SHPK: variants seen among roughly 807,000 people sequenced by gnomAD.
SHPK encodes carbohydrate kinase-like protein.
SHPK carries 51 observed loss-of-function variants against 46.3 expected under a neutral mutation model. That is an observed-to-expected ratio of 1.10 (90% CI 0.88 to 1.39). The LOEUF is 1.39. SHPK is among the 40% of genes most tolerant of loss of function. The pLI is 0.00. For synonymous variants in SHPK, 290 were observed against 273.9 expected (o/e 1.06, Z -0.58); for missense variants, 668 against 641.3 (o/e 1.04, Z -0.45).
intron 2 of SHPK, among the ~76,000 whole-genome samples, chr17:3,628,849 A>G (rs1200149555): frequency 6.6e-6 from 1 of 151,954 alleles, no homozygotes; most frequent in Non-Finnish European, 1.5e-5. Context: ...GGGTCCCACT[A>G]TGTTGCCCAG....
intron 5 of SHPK, chr17:3,619,810 G>C (rs867262617): frequency 1.5e-5 from 7 of 458,702 alleles, no homozygotes; most frequent in African/African-American, 6.3e-5. Context: ...CCATCCTGCT[G>C]CTTTAAGATT....
chr17:3,625,829 G>C (rs1234516475), intron 2 of SHPK, among the ~76,000 whole-genome samples: 1 of 152,214 alleles, frequency 6.6e-6, no homozygotes, highest in African/African-American at 2.4e-5. Context: ...AAGGTGGGCG[G>C]ATCACCTGAG....
rs760118367 is a variant in SHPK at position 3,636,228 on chromosome 17, T to C, written c.-9A>G. On this transcript the variant is annotated 5_prime_UTR_variant, in exon 1 of 7. Transcript: ENST00000225519. Reference sequence around the variant, plus strand: ...ATCGGCCGCGCAGCCATTATCTCCCTGACCCGCGCAGCTCCAGTCTGCAGC... The same window carrying C: ...ATCGGCCGCGCAGCCATTATCTCCCCGACCCGCGCAGCTCCAGTCTGCAGC... 5.6e-6 allele frequency: 9 copies of C among 1,593,916 alleles called. No individual in the cohort carries two copies. Among genetic ancestry groups the C allele is most frequent in the Non-Finnish European group, 6.0e-6 (7 of 1,166,316 alleles).
intron 5 of SHPK, among the ~76,000 whole-genome samples, chr17:3,619,053 T>C (rs1247938688): frequency 6.6e-6 from 1 of 152,144 alleles, no homozygotes; most frequent in African/African-American, 2.4e-5. Flanking sequence ...TTTTCAAGTT[T>C]AATCATTTTG....
chr17:3,609,249 C>G lies in SHPK; in HGVS notation c.*1311G>C, dbSNP rs565332809. 5.9e-5 allele frequency: 9 copies of G among 151,884 alleles called. No individual in the cohort carries two copies. The highest frequency in any genetic ancestry group is 3.3e-4 in the Admixed American group (5 of 15,244). The allele number at this position is 151,884 out of a possible 1,614,324, so 9.4% of individuals were successfully genotyped here. A position where few individuals can be genotyped will look rare whatever the true frequency, so the allele number is the denominator to read the frequency against. On this transcript the variant is annotated 3_prime_UTR_variant, in exon 7 of 7. Coordinates refer to ENST00000225519, the MANE Select transcript of SHPK (RefSeq NM_013276.4). ...TCAGGCATTTGCTCTCATCTTAGAG[C>G]TTCCAGATAATCACATAATTTGTAA... is the stretch of plus-strand genomic sequence containing the variant.
chr17:3,610,634 C>T lies in SHPK; in HGVS notation c.1363G>A (p.Gly455Arg). 6.2e-7 allele frequency: 1 copy of T among 1,614,014 alleles called. No individual in the cohort carries two copies. ...CCGACAGCTGCATCCACATCCTGCCCAAAGGACATGGGCAAAGGGAAAGCC... is the reference window on the plus strand; with the variant it reads ...CCGACAGCTGCATCCACATCCTGCCTAAAGGACATGGGCAAAGGGAAAGCC... ...QRAFPLPMSF[G>R]QDVDAAVGAA... Residue 455 changes from glycine to arginine, a missense_variant, in exon 7 of 7, where the codon GGG (glycine) becomes AGG (arginine). Transcript: ENST00000225519.
chr17:3,635,753 T>A lies in SHPK; in HGVS notation c.168+299A>T, dbSNP rs141218916. 1.1e-4 allele frequency among the ~76,000 whole-genome samples: 17 copies of A among 150,574 alleles called. 1 individual carries two copies. Among genetic ancestry groups the A allele is most frequent in the South Asian group, 2.1e-4 (1 of 4,746 alleles). On this transcript the variant is annotated intron_variant, in intron 1 of 6. Coordinates refer to ENST00000225519, the MANE Select transcript of SHPK (RefSeq NM_013276.4). Reference sequence around the variant, plus strand: ...TCCATACACACAAGAGATCAGTTCCTCCAAGGTCAGGGGACAGAGAGCACA... The same window carrying A: ...TCCATACACACAAGAGATCAGTTCCACCAAGGTCAGGGGACAGAGAGCACA...
At chr17:3,630,438 G>C (rs1222448753) in intron 1 of SHPK, 92 bp from the exon 2 acceptor site, 7 of 1,323,888 alleles carry the variant, frequency 5.3e-6, no homozygotes, top group Non-Finnish European at 7.1e-6. Flanking sequence ...GAGGAATGCA[G>C]TGGGCAGCAT....
At position 3,609,286 on chromosome 17, in the gene SHPK, T is replaced by C. The variant is rs926807097; in HGVS notation, c.*1274A>G. On this transcript the variant is annotated 3_prime_UTR_variant, in exon 7 of 7. Coordinates refer to ENST00000225519, the MANE Select transcript of SHPK (RefSeq NM_013276.4). The stretch of plus-strand genomic sequence containing the variant: ...CACATAATTTGTAAAATGACATTTA[T>C]AAAGAGACAATATGTTTCATACCTG... 10 of 151,448 alleles carry C rather than the reference T, an allele frequency of 6.6e-5. No homozygotes were observed. Among genetic ancestry groups the C allele is most frequent in the Non-Finnish European group, 4.4e-5 (3 of 67,966 alleles). The allele number at this position is 151,448 out of a possible 1,614,324, so 9.4% of individuals were successfully genotyped here.
intron 4 of SHPK, chr17:3,622,652 T>C (rs928322944): frequency 5.4e-5 from 51 of 939,970 alleles, no homozygotes; most frequent in African/African-American, 1.8e-5. Flanking sequence ...CAAATGATTG[T>C]TCAAAAAGAA....
At chr17:3,627,207 T>A (rs1294958255) in intron 2 of SHPK, among the ~76,000 whole-genome samples, 1 of 152,154 alleles carries the variant, frequency 6.6e-6, no homozygotes, top group Non-Finnish European at 1.5e-5. Context: ...TACCAGATAT[T>A]TTCTCCCTGT....
At chr17:3,630,171 T>C (rs1204568923) in intron 2 of SHPK, 34 bp downstream of exon 2, 1 of 1,613,410 alleles carries the variant, frequency 6.2e-7, no homozygotes, top group Non-Finnish European at 8.5e-7. Flanking sequence ...AAGTGACTGC[T>C]ACCAGCCTGA....
chr17:3,636,162 C>G lies in SHPK; in HGVS notation c.58G>C (p.Ala20Pro). The G allele has an allele frequency of 1.2e-6, 2 of 1,612,344 alleles. No homozygotes were observed. Among genetic ancestry groups the G allele is most frequent in the South Asian group, 2.2e-5 (2 of 90,936 alleles). Reference sequence around the variant, plus strand: ...TCGTCGGGCGCGGCCCTCAGCAGAGCTGCCTTCACAGATGTGGTGCCCAGG... The same window carrying G: ...TCGTCGGGCGCGGCCCTCAGCAGAGGTGCCTTCACAGATGTGGTGCCCAGG... The part of the protein sequence containing the change: ...IDLGTTSVKA[A>P]LLRAAPDDPS... The change falls in exon 1 of 7, where the codon GCT becomes CCT. Residue 20 changes from alanine (A) to proline (P), a missense_variant. Coordinates refer to ENST00000225519, the MANE Select transcript of SHPK (RefSeq NM_013276.4).
intron 5 of SHPK, among the ~76,000 whole-genome samples, chr17:3,616,483 G>C (rs1481323463): frequency 6.6e-6 from 1 of 152,130 alleles, no homozygotes; most frequent in Non-Finnish European, 1.5e-5. Context: ...GCTCCAGAGT[G>C]AATGCAACCT....
chr17:3,626,312 T>C (rs1035545523), intron 2 of SHPK, among the ~76,000 whole-genome samples: 1 of 152,214 alleles, frequency 6.6e-6, no homozygotes, highest in Non-Finnish European at 1.5e-5. Flanking sequence ...TTGTCAATTA[T>C]AGGAAATTTT....
intron 6 of SHPK, among the ~76,000 whole-genome samples, chr17:3,611,320 G>C (rs1043552636): frequency 6.6e-6 from 1 of 152,234 alleles, no homozygotes; most frequent in African/African-American, 2.4e-5. Context: ...TGTAATCCCA[G>C]CACTTTGGGA....
chr17:3,616,262 C>T (rs1425507100), intron 5 of SHPK, among the ~76,000 whole-genome samples: 1 of 152,114 alleles, frequency 6.6e-6, no homozygotes, highest in Non-Finnish European at 1.5e-5. Flanking sequence ...CAGTGTGTGC[C>T]TTCAGAGGCT....
rs544136949 is a variant in SHPK at position 3,619,429 on chromosome 17, C to G, written c.823+1808G>C. Reference sequence around the variant, plus strand: ...GCAACTCGGGACATAAAGCCAAATGCCTGATTAAAAATTTGGACGGAGAGG... The same window carrying G: ...GCAACTCGGGACATAAAGCCAAATGGCTGATTAAAAATTTGGACGGAGAGG... On this transcript the variant is annotated intron_variant, in intron 5 of 6. Transcript: ENST00000225519. The G allele has an allele frequency of 4.8e-5, 73 of 1,536,070 alleles. No homozygotes were observed. In the South Asian group the frequency reaches 7.9e-4, roughly 17 times the overall value.
In SHPK at chr17:3,609,536, A is replaced by G. The variant is rs2075323465; in HGVS notation, c.*1024T>C. 6.6e-6 allele frequency: 1 copy of G among 152,188 alleles called. No individual in the cohort carries two copies. The highest frequency in any genetic ancestry group is 2.4e-5 in the African/African-American group (1 of 41,450). 9.4% of individuals were successfully genotyped at this position (152,188 alleles called of 1,614,324 possible). ...GCTCTGGGATCCCTACAGGGATGCC[A>G]ACTCAAATGGATGTTTCTGCTGAGC... On this transcript the variant is annotated 3_prime_UTR_variant, in exon 7 of 7. Transcript: ENST00000225519.
Sources: gnomAD v4.1 joint callset for allele counts (sites outside exome capture counted in the v4.1 genomes callset) on GRCh38, gnomAD v4.1.1 for gene constraint, MANE v1.5 for transcripts, NCBI Gene and HGNC (gene_info 2026-07-23, HGNC 2026-07-21) for gene names.